The following SPON1 variants were observed in gnomAD, a reference collection of about 807,000 sequenced individuals.
The protein encoded by SPON1 is spondin 1.
A neutral mutation model predicts 111.7 loss-of-function variants in SPON1; 52 were observed. The observed-to-expected ratio is 0.47, with a 90% CI of 0.37 to 0.59. SPON1 has a LOEUF of 0.59. Ranked by LOEUF, SPON1 falls within the 20% of genes least tolerant of loss-of-function variation. The probability of loss-of-function intolerance (pLI) is 0.00; values close to 1 mark genes in which losing one functional copy is unlikely to be tolerated. For missense variants in SPON1, 957 were observed against 1,068.5 expected (o/e 0.90, Z 1.46); for synonymous variants, 410 against 395.8 (o/e 1.04, Z -0.43).
At chr11:14,239,512 G>C (rs782575803) in intron 6 of SPON1, among the ~76,000 whole-genome samples, 3 of 152,158 alleles carry the variant, frequency 2.0e-5, no homozygotes, top group Non-Finnish European at 2.9e-5. Flanking sequence ...GATCACTTGA[G>C]CTCAGGAGTT....
chr11:14,089,981 G>A (rs1288647624), intron 5 of SPON1, among the ~76,000 whole-genome samples: 1 of 152,058 alleles, frequency 6.6e-6, no homozygotes, highest in Non-Finnish European at 1.5e-5. Context: ...CTCAGAAATG[G>A]TGGATGCCCC....
intron 11 of SPON1, among the ~76,000 whole-genome samples, chr11:14,258,980 A>AT (rs797034117): frequency 3.5e-4 from 54 of 152,378 alleles, no homozygotes; most frequent in African/African-American, 1.2e-3. Context: ...TGTAGATTAA[A>AT]TTATATCTTA....
chr11:14,203,099 T>TC (rs1848482078), intron 6 of SPON1, among the ~76,000 whole-genome samples: 2 of 152,130 alleles, frequency 1.3e-5, no homozygotes, highest in African/African-American at 2.4e-5. Flanking sequence ...AGGAGGTTGA[T>TC]CCCTCCTCTA....
chr11:14,138,500 A>G (rs782679446), intron 6 of SPON1, among the ~76,000 whole-genome samples: 1 of 152,112 alleles, frequency 6.6e-6, no homozygotes, highest in Non-Finnish European at 1.5e-5. Context: ...GGAAGGCCAC[A>G]ATGCTCACCC....
chr11:14,260,115 T>G (rs1226010096), intron 13 of SPON1, among the ~76,000 whole-genome samples: 1 of 152,220 alleles, frequency 6.6e-6, no homozygotes, highest in East Asian at 1.9e-4. Context: ...TGACCTCCCC[T>G]GCTCTGTGCA....
In SPON1 at chr11:14,161,219, CTA is replaced by C. The variant is rs1373004435; in HGVS notation, c.825+25659_825+25660del. Among the ~76,000 whole-genome samples, 138 of 45,944 alleles carry C rather than the reference CTA, an allele frequency of 3.0e-3. 11 individuals are homozygous for C. Among genetic ancestry groups the C allele is most frequent in the African/African-American group, 9.5e-3 (134 of 14,104 alleles). 30.1% of individuals were successfully genotyped at this position (45,944 alleles called of 152,430 possible). A position where few individuals can be genotyped will look rare whatever the true frequency, so the allele number is the denominator to read the frequency against. ...TATATATTTATATATTTATATATAT[CTA>C]TATATATTTATATATTTATATATCT... On this transcript the variant is annotated intron_variant, in intron 6 of 15. Transcript: ENST00000576479.
intron 6 of SPON1, among the ~76,000 whole-genome samples, chr11:14,154,402 G>A (rs1425724460): frequency 3.9e-5 from 6 of 152,220 alleles, no homozygotes; most frequent in Admixed American, 6.5e-5. Context: ...AAGCCTTGGT[G>A]GCTTCCAGCT....
At chr11:14,048,466 T>G (rs940056928) in intron 3 of SPON1, among the ~76,000 whole-genome samples, 5 of 152,194 alleles carry the variant, frequency 3.3e-5, no homozygotes, top group African/African-American at 1.2e-4. Context: ...CTGGTTGTGT[T>G]CCTTTGCCCA....
At chr11:14,190,361 A>G (rs1322487458) in intron 6 of SPON1, among the ~76,000 whole-genome samples, 1 of 152,162 alleles carries the variant, frequency 6.6e-6, no homozygotes. Flanking sequence ...ATTTCAAATC[A>G]ATATTTATTC....
At chr11:13,977,904 C>T (rs1397051411) in intron 1 of SPON1, among the ~76,000 whole-genome samples, 1 of 152,134 alleles carries the variant, frequency 6.6e-6, no homozygotes, top group African/African-American at 2.4e-5. Context: ...TTCAGTTGTC[C>T]TAGCACCACT....
chr11:14,075,181 C>A (rs1368572318), intron 3 of SPON1, among the ~76,000 whole-genome samples, 164 bp from the exon 4 acceptor site: 3 of 152,088 alleles, frequency 2.0e-5, no homozygotes, highest in Admixed American at 1.3e-4. Context: ...ACCACAACCC[C>A]ATAAAGCAGG....
intron 5 of SPON1, among the ~76,000 whole-genome samples, chr11:14,087,376 T>G (rs1554922767): frequency 6.6e-6 from 1 of 152,190 alleles, no homozygotes; most frequent in Non-Finnish European, 1.5e-5. Flanking sequence ...AAGAACTCAT[T>G]TATTTCTGCC....
intron 6 of SPON1, among the ~76,000 whole-genome samples, chr11:14,152,517 G>A (rs1445221710): frequency 6.6e-6 from 1 of 152,144 alleles, no homozygotes; most frequent in Non-Finnish European, 1.5e-5. Flanking sequence ...GTAGCATTGG[G>A]GAAACTGAAA....
intron 6 of SPON1, among the ~76,000 whole-genome samples, chr11:14,169,912 C>T (rs1308498560): frequency 6.6e-6 from 1 of 152,080 alleles, no homozygotes; most frequent in Non-Finnish European, 1.5e-5. Flanking sequence ...TGTAGTATAG[C>T]TTGAAGTCAG....
At chr11:14,073,539 C>G (rs550588904) in intron 3 of SPON1, among the ~76,000 whole-genome samples, 2 of 152,324 alleles carry the variant, frequency 1.3e-5, no homozygotes, top group Non-Finnish European at 2.9e-5. Context: ...CTCTCCCTGT[C>G]TCCTCCCTTC....
intron 2 of SPON1, among the ~76,000 whole-genome samples, chr11:14,028,620 C>T (rs1591355629): frequency 6.6e-6 from 1 of 152,200 alleles, no homozygotes; most frequent in Non-Finnish European, 1.5e-5. Flanking sequence ...CTACTAGGCT[C>T]TAGGCACTCA....
intron 5 of SPON1, among the ~76,000 whole-genome samples, chr11:14,131,172 G>A (rs781840446): frequency 4.9e-4 from 74 of 152,096 alleles, no homozygotes; most frequent in East Asian, 1.2e-3. Context: ...CCATCCAATC[G>A]TCTCTTCTGT....
At chr11:13,975,002 A>G (rs1848090982) in intron 1 of SPON1, among the ~76,000 whole-genome samples, 1 of 152,046 alleles carries the variant, frequency 6.6e-6, no homozygotes, top group South Asian at 2.1e-4. Flanking sequence ...CACTGGATAA[A>G]CTCCTATTCT....
chr11:14,246,673 G>C (rs1253791300), intron 7 of SPON1, among the ~76,000 whole-genome samples: 1 of 152,132 alleles, frequency 6.6e-6, no homozygotes, highest in African/African-American at 2.4e-5. Flanking sequence ...CTTGATAGGA[G>C]GGTCCCCCCA....
Sources: gnomAD v4.1 joint callset for allele counts (sites outside exome capture counted in the v4.1 genomes callset) on GRCh38, gnomAD v4.1.1 for gene constraint, MANE v1.5 for transcripts, NCBI Gene and HGNC (gene_info 2026-07-23, HGNC 2026-07-21) for gene names.